Variants in RBMS3 observed in about 807,000 individuals in gnomAD.
The protein encoded by RBMS3 is RNA binding motif single stranded interacting protein 3.
Under a neutral mutation model 66.8 loss-of-function variants are expected in RBMS3, and 27 were observed. The observed-to-expected ratio is 0.40, with a 90% confidence interval of 0.30 to 0.56. RBMS3 has a LOEUF of 0.56. RBMS3 is among the 20% of genes least tolerant of loss of function. The probability of loss-of-function intolerance (pLI) is 0.40; values close to 1 mark genes in which losing one functional copy is unlikely to be tolerated. For missense variants in RBMS3, 513 were observed against 549.5 expected, an observed-to-expected ratio of 0.93 and a Z score of 0.66; for synonymous variants, 188 against 183.0, an observed-to-expected ratio of 1.03 and a Z score of -0.22.
intron 6 of RBMS3, among the ~76,000 whole-genome samples, chr3:29,789,187 T>C (rs1165989911): frequency 2.0e-5 from 3 of 152,136 alleles, no homozygotes; most frequent in Non-Finnish European, 4.4e-5. Flanking sequence ...ATTTAGATTT[T>C]TTAAAATAAT....
chr3:29,299,550 C>T (rs764162681), intron 1 of RBMS3, among the ~76,000 whole-genome samples: 17 of 151,458 alleles, frequency 1.1e-4, no homozygotes, highest in Non-Finnish European at 2.1e-4. Flanking sequence ...CTACCAACTG[C>T]GGGTTCCATC....
chr3:29,880,060 G>T (rs2059700578), intron 7 of RBMS3, among the ~76,000 whole-genome samples: 1 of 152,068 alleles, frequency 6.6e-6, no homozygotes, highest in Non-Finnish European at 1.5e-5. Flanking sequence ...AAATAAAGAT[G>T]CATTTGTTAA....
chr3:29,834,121 T>C (rs542708694), intron 6 of RBMS3, among the ~76,000 whole-genome samples: 2 of 152,026 alleles, frequency 1.3e-5, no homozygotes, highest in African/African-American at 2.4e-5. Flanking sequence ...AGATAAAGAC[T>C]TTCCCAGACA....
intron 2 of RBMS3, among the ~76,000 whole-genome samples, chr3:29,475,469 C>T (rs931147146): frequency 6.6e-6 from 1 of 152,014 alleles, no homozygotes; most frequent in African/African-American, 2.4e-5. Flanking sequence ...AGGCTGGTCA[C>T]GAACCCTTGA....
chr3:29,747,358 C>G (rs1207381267), intron 5 of RBMS3, among the ~76,000 whole-genome samples: 1 of 149,634 alleles, frequency 6.7e-6, no homozygotes, highest in Non-Finnish European at 1.5e-5. Context: ...TGACATCTAT[C>G]TATCTATCTA....
intron 6 of RBMS3, among the ~76,000 whole-genome samples, chr3:29,841,371 GT>G (rs1222251763): frequency 2.0e-5 from 3 of 151,762 alleles, no homozygotes; most frequent in Non-Finnish European, 2.9e-5. Flanking sequence ...TCTTTTCTAC[GT>G]TTTTTATTAT....
At chr3:29,580,534 A>G (rs2047287297) in intron 3 of RBMS3, among the ~76,000 whole-genome samples, 1 of 152,072 alleles carries the variant, frequency 6.6e-6, no homozygotes, top group African/African-American at 2.4e-5. Context: ...TGCCATTTAA[A>G]CATAAACTCC....
intron 3 of RBMS3, among the ~76,000 whole-genome samples, chr3:29,493,451 T>A (rs1240539777): frequency 1.3e-5 from 2 of 152,150 alleles, no homozygotes; most frequent in Non-Finnish European, 2.9e-5. Context: ...ACTCACAGTG[T>A]GTTGTGATGA....
intron 4 of RBMS3, among the ~76,000 whole-genome samples, chr3:29,713,087 T>C (rs1353291082): frequency 6.6e-6 from 1 of 152,120 alleles, no homozygotes; most frequent in African/African-American, 2.4e-5. Context: ...TTCTTAGTGA[T>C]TGATTATTGT....
At chr3:29,710,454 G>C (rs985395469) in intron 4 of RBMS3, among the ~76,000 whole-genome samples, 3 of 152,138 alleles carry the variant, frequency 2.0e-5, no homozygotes, top group African/African-American at 7.2e-5. Flanking sequence ...AAACCTGTGA[G>C]AGCTAAGGCT....
chr3:29,587,260 G>A lies in RBMS3; in HGVS notation c.399+55G>A, dbSNP rs1461878957. The A allele has an allele frequency of 4.3e-6, 3 of 699,278 alleles. 1 individual carries two copies. Among genetic ancestry groups the A allele is most frequent in the South Asian group, 4.7e-5 (2 of 42,922 alleles). The allele number at this position is 699,278 out of a possible 1,614,324, so 43.3% of individuals were successfully genotyped here. A position where few individuals can be genotyped will look rare whatever the true frequency, so the allele number is the denominator to read the frequency against. ...TTTTTTTTTTTTTTTGTGTGTGTGT[G>A]TGTGTGTGTGTGTGTGTGAAAGAGA... On this transcript the variant is annotated intron_variant, in intron 4 of 14. Transcript: ENST00000383767.
intron 6 of RBMS3, among the ~76,000 whole-genome samples, chr3:29,850,889 C>G (rs543862656): frequency 1.3e-5 from 2 of 152,170 alleles, no homozygotes; most frequent in Non-Finnish European, 2.9e-5. Flanking sequence ...GTTCACTGGT[C>G]TCCTCTCCCA....
At chr3:29,657,331 G>A (rs1052267391) in intron 4 of RBMS3, among the ~76,000 whole-genome samples, 8 of 152,146 alleles carry the variant, frequency 5.3e-5, no homozygotes, top group African/African-American at 9.7e-5. Flanking sequence ...CTAGCTTCTC[G>A]ATTTTCATTA....
At chr3:29,515,664 C>G (rs1359511804) in intron 3 of RBMS3, among the ~76,000 whole-genome samples, 1 of 152,142 alleles carries the variant, frequency 6.6e-6, no homozygotes, top group East Asian at 1.9e-4. Flanking sequence ...GTAAGCAATC[C>G]AGAGCAGTAG....
intron 4 of RBMS3, among the ~76,000 whole-genome samples, chr3:29,676,717 G>A (rs542790503): frequency 2.0e-5 from 3 of 152,222 alleles, no homozygotes; most frequent in Non-Finnish European, 4.4e-5. Flanking sequence ...GAAATCATAT[G>A]AGTGCTATAT....
At chr3:29,406,594 C>A (rs569119090) in intron 1 of RBMS3, among the ~76,000 whole-genome samples, 3 of 152,224 alleles carry the variant, frequency 2.0e-5, no homozygotes, top group Admixed American at 2.0e-4. Context: ...CCTTGTCATT[C>A]AATATTTGAG....
intron 5 of RBMS3, among the ~76,000 whole-genome samples, chr3:29,752,937 T>C (rs1345497722): frequency 2.0e-5 from 3 of 152,216 alleles, no homozygotes; most frequent in Non-Finnish European, 4.4e-5. Context: ...TTATAAACTT[T>C]AAGGCACTGT....
intron 1 of RBMS3, among the ~76,000 whole-genome samples, chr3:29,335,267 C>T (rs747611071): frequency 1.3e-5 from 2 of 152,090 alleles, no homozygotes; most frequent in Non-Finnish European, 2.9e-5. Context: ...GATTCAATCT[C>T]CAATGATAAT....
intron 3 of RBMS3, among the ~76,000 whole-genome samples, chr3:29,518,221 T>G (rs1172471606): frequency 6.6e-6 from 1 of 152,210 alleles, no homozygotes; most frequent in Admixed American, 6.5e-5. Flanking sequence ...CTGCAACTGT[T>G]TGTGGTTAAA....
Sources: allele counts gnomAD v4.1 joint callset (sites outside exome capture counted in the v4.1 genomes callset), GRCh38; gene constraint gnomAD v4.1.1; transcripts MANE v1.5; gene names NCBI Gene and HGNC (gene_info 2026-07-23, HGNC 2026-07-21).